The following SEZ6L variants were observed in gnomAD, a reference collection of about 807,000 sequenced individuals.
SEZ6L encodes seizure related 6 homolog like.
A neutral mutation model predicts 106.2 loss-of-function variants in SEZ6L; 37 were observed. That is an observed-to-expected ratio of 0.35 (90% CI 0.27 to 0.46). The LOEUF is 0.46. Among genes scored for constraint, SEZ6L ranks in the 20% least tolerant of loss-of-function variants. SEZ6L has a pLI of 1.00. For synonymous variants in SEZ6L, 541 were observed against 570.4 expected (o/e 0.95, Z 0.73); for missense variants, 1,172 against 1,332.8 (o/e 0.88, Z 1.88).
At chr22:26,271,385 AAT>A (rs1420522664) in intron 1 of SEZ6L, among the ~76,000 whole-genome samples, 8 of 152,192 alleles carry the variant, frequency 5.3e-5, no homozygotes, top group Non-Finnish European at 7.3e-5. Flanking sequence ...AACAGAAATG[AAT>A]ATACACATAC....
At chr22:26,295,478 G>A (rs2081274624) in intron 3 of SEZ6L, among the ~76,000 whole-genome samples, 1 of 152,198 alleles carries the variant, frequency 6.6e-6, no homozygotes, top group Non-Finnish European at 1.5e-5. Flanking sequence ...GAGACAAAAG[G>A]TAAGCCCCTC....
intron 1 of SEZ6L, among the ~76,000 whole-genome samples, chr22:26,190,901 G>T (rs1170140186): frequency 6.6e-6 from 1 of 152,190 alleles, no homozygotes; most frequent in Non-Finnish European, 1.5e-5. Context: ...TGACCCAATT[G>T]TGAATTAAGC....
rs1556371589 is a variant in SEZ6L, at chr22:26,348,646, A to AAGAGAAAGAAAGAAAGAAAG, written c.2407+734_2407+735insGAGAAAGAAAGAAAGAAAGA. Among the ~76,000 whole-genome samples, 6 of 7,694 alleles carry AAGAGAAAGAAAGAAAGAAAG rather than the reference A, an allele frequency of 7.8e-4. 1 individual carries two copies. Among genetic ancestry groups the AAGAGAAAGAAAGAAAGAAAG allele is most frequent in the African/African-American group, 4.8e-3 (6 of 1,262 alleles). The allele number at this position is 7,694 out of a possible 152,430, so 5.0% of individuals were successfully genotyped here. ...AAAGAAAGAAAGAAAGAAAGAAAGA[A>AAGAGAAAGAAAGAAAGAAAG]AAAGAAAGAAAGAAAGAAAGAAAGA... On this transcript the variant is annotated intron_variant, in intron 11 of 16. Transcript: ENST00000248933.
At chr22:26,354,105 C>A (rs975487963) in intron 12 of SEZ6L, among the ~76,000 whole-genome samples, 7 of 152,174 alleles carry the variant, frequency 4.6e-5, no homozygotes, top group Non-Finnish European at 8.8e-5. Context: ...TCTTTGACAT[C>A]CTAACCCATG....
At chr22:26,356,706 T>C in intron 12 of SEZ6L, among the ~76,000 whole-genome samples, 1 of 151,358 alleles carries the variant, frequency 6.6e-6, no homozygotes, top group Non-Finnish European at 1.5e-5. Flanking sequence ...CAATTGCTGC[T>C]ACGAGGATGT....
chr22:26,260,083 A>C (rs1023351073), intron 1 of SEZ6L, among the ~76,000 whole-genome samples: 1 of 152,228 alleles, frequency 6.6e-6, no homozygotes, highest in Non-Finnish European at 1.5e-5. Context: ...AAAGGTAAAC[A>C]TCAGTTTGAG....
intron 11 of SEZ6L, 127 bp downstream of exon 11, chr22:26,348,040 C>G (rs528139991): frequency 1.0e-5 from 7 of 692,614 alleles, no homozygotes; most frequent in Non-Finnish European, 1.6e-5. Flanking sequence ...CACCAATTCA[C>G]GAGCATTGCT....
At chr22:26,306,573 A>G (rs2081638742) in intron 6 of SEZ6L, among the ~76,000 whole-genome samples, 1 of 152,304 alleles carries the variant, frequency 6.6e-6, no homozygotes, top group East Asian at 1.9e-4. Context: ...AACTAGACGT[A>G]TGCACATGAA....
rs141796605 is a variant in SEZ6L, at chr22:26,324,645, C to T, written c.2015+10743C>T. 4.8e-3 allele frequency among the ~76,000 whole-genome samples: 734 copies of T among 152,126 alleles called. 6 individuals are homozygous for T. Among genetic ancestry groups the T allele is most frequent in the African/African-American group, 0.017 (711 of 41,498 alleles). ...GCAAAAATCACAGGAGAAATGGCCA[C>T]GACAAAAATAAAACTGGCTGAACTC... is the stretch of plus-strand genomic sequence containing the variant. On this transcript the variant is annotated intron_variant, in intron 9 of 16. Transcript: ENST00000248933.
At chr22:26,264,720 A>G (rs970369719) in intron 1 of SEZ6L, among the ~76,000 whole-genome samples, 1 of 152,214 alleles carries the variant, frequency 6.6e-6, no homozygotes, top group Non-Finnish European at 1.5e-5. Context: ...AAGCAGGACC[A>G]TGTTCCAGTG....
intron 10 of SEZ6L, among the ~76,000 whole-genome samples, chr22:26,345,946 G>A (rs756564116): frequency 6.6e-6 from 1 of 152,070 alleles, no homozygotes; most frequent in Non-Finnish European, 1.5e-5. Flanking sequence ...TCTGGAGTAT[G>A]GTTCATTTTC....
At chr22:26,361,941 G>T (rs1056444775) in intron 12 of SEZ6L, among the ~76,000 whole-genome samples, 1 of 152,076 alleles carries the variant, frequency 6.6e-6, no homozygotes, top group Admixed American at 6.5e-5. Flanking sequence ...GATATTTTCA[G>T]AGGAATCATT....
At chr22:26,368,151 C>T (rs1276315499) in intron 13 of SEZ6L, among the ~76,000 whole-genome samples, 1 of 152,224 alleles carries the variant, frequency 6.6e-6, no homozygotes, top group African/African-American at 2.4e-5. Context: ...TATGTCTCTA[C>T]TTGGGAACCC....
chr22:26,338,001 T>C (rs2082697328), intron 9 of SEZ6L, among the ~76,000 whole-genome samples: 2 of 152,200 alleles, frequency 1.3e-5, no homozygotes, highest in South Asian at 4.1e-4. Context: ...ACATGGGTAG[T>C]TGCCACCTCA....
chr22:26,199,973 A>C (rs1310800426), intron 1 of SEZ6L, among the ~76,000 whole-genome samples: 3 of 152,130 alleles, frequency 2.0e-5, no homozygotes, highest in African/African-American at 7.2e-5. Context: ...TTTAAATCTC[A>C]CAACAGCCCT....
chr22:26,326,570 G>A (rs1303752192), intron 9 of SEZ6L, among the ~76,000 whole-genome samples: 1 of 152,196 alleles, frequency 6.6e-6, no homozygotes, highest in African/African-American at 2.4e-5. Context: ...TGTAATAGAT[G>A]AGGACAGTGA....
intron 9 of SEZ6L, among the ~76,000 whole-genome samples, chr22:26,321,517 C>T (rs1003887842): frequency 6.6e-6 from 1 of 152,196 alleles, no homozygotes; most frequent in African/African-American, 2.4e-5. Context: ...CCGAGGCTCA[C>T]GCCGACAAGC....
chr22:26,221,554 T>C (rs1260742102), intron 1 of SEZ6L, among the ~76,000 whole-genome samples: 3 of 152,194 alleles, frequency 2.0e-5, no homozygotes, highest in East Asian at 3.9e-4. Flanking sequence ...TGAGAAAGTG[T>C]GCAAGGAGCT....
At chr22:26,222,229 T>C (rs771829592) in intron 1 of SEZ6L, among the ~76,000 whole-genome samples, 3 of 152,214 alleles carry the variant, frequency 2.0e-5, no homozygotes, top group Non-Finnish European at 2.9e-5. Context: ...ACTGCTGCCA[T>C]GCCCAGCCTC....
Sources: gnomAD v4.1 joint callset for allele counts (sites outside exome capture counted in the v4.1 genomes callset) on GRCh38, gnomAD v4.1.1 for gene constraint, MANE v1.5 for transcripts, NCBI Gene and HGNC (gene_info 2026-07-23, HGNC 2026-07-21) for gene names.